Variants in IMMP2L observed in about 807,000 individuals in gnomAD.
IMMP2L encodes inner mitochondrial membrane peptidase subunit 2.
IMMP2L carries 18 observed loss-of-function variants against 19.3 expected under a neutral mutation model. That is an observed-to-expected ratio of 0.93 (90% confidence interval 0.64 to 1.38). The LOEUF (loss-of-function observed/expected upper bound fraction) is 1.38, where lower values mean the gene tolerates loss of function less well. Ranked by LOEUF, IMMP2L falls within the 40% of genes most tolerant of loss-of-function variation. The pLI, the probability that IMMP2L is intolerant of heterozygous loss-of-function variation, is 0.00. For synonymous variants in IMMP2L, 76 were observed against 73.0 expected (o/e 1.04, Z -0.21); for missense variants, 233 against 218.2 (o/e 1.07, Z -0.43).
chr7:111,383,038 A>G (rs1281315850), intron 3 of IMMP2L, among the ~76,000 whole-genome samples: 2 of 152,094 alleles, frequency 1.3e-5, no homozygotes, highest in African/African-American at 2.4e-5. Context: ...TACACAAAAA[A>G]TAAACCTGTG....
intron 3 of IMMP2L, among the ~76,000 whole-genome samples, chr7:111,181,233 G>A (rs1158247572): frequency 6.6e-6 from 1 of 151,876 alleles, no homozygotes; most frequent in East Asian, 1.9e-4. Flanking sequence ...GTGGTTGGCT[G>A]GAGAATAAAT....
At chr7:111,217,061 C>A (rs1049369997) in intron 3 of IMMP2L, among the ~76,000 whole-genome samples, 1 of 151,338 alleles carries the variant, frequency 6.6e-6, no homozygotes, top group South Asian at 2.1e-4. Flanking sequence ...TTATCAAAGA[C>A]ATTCCTCATC....
At chr7:111,297,122 G>A (rs912038182) in intron 3 of IMMP2L, among the ~76,000 whole-genome samples, 2 of 152,058 alleles carry the variant, frequency 1.3e-5, no homozygotes, top group Non-Finnish European at 2.9e-5. Flanking sequence ...TAACAGGAAA[G>A]TTCTGCATCT....
intron 3 of IMMP2L, among the ~76,000 whole-genome samples, chr7:111,054,133 G>T (rs900210319): frequency 6.6e-6 from 1 of 152,096 alleles, no homozygotes; most frequent in Non-Finnish European, 1.5e-5. Context: ...ATATTTTTAA[G>T]AGTGTACTTA....
intron 3 of IMMP2L, among the ~76,000 whole-genome samples, chr7:111,014,807 C>T (rs533302301): frequency 1.1e-4 from 17 of 152,134 alleles, no homozygotes; most frequent in Non-Finnish European, 1.8e-4. Context: ...AAATGGCCAA[C>T]AAGCTTGTGA....
At chr7:110,949,157 T>A (rs1340112243) in intron 4 of IMMP2L, among the ~76,000 whole-genome samples, 1 of 152,144 alleles carries the variant, frequency 6.6e-6, no homozygotes, top group Non-Finnish European at 1.5e-5. Flanking sequence ...TCAGCCTCCA[T>A]AATCACATGA....
intron 3 of IMMP2L, among the ~76,000 whole-genome samples, chr7:111,141,403 A>G (rs1229812855): frequency 6.6e-6 from 1 of 151,696 alleles, no homozygotes; most frequent in East Asian, 1.9e-4. Context: ...AAATTATTAG[A>G]CCTGAGCCAC....
At chr7:110,853,382 G>C (rs1585035396) in intron 5 of IMMP2L, among the ~76,000 whole-genome samples, 1 of 152,004 alleles carries the variant, frequency 6.6e-6, no homozygotes, top group African/African-American at 2.4e-5. Context: ...TCTAGATTGT[G>C]TGTTCATGAG....
intron 3 of IMMP2L, among the ~76,000 whole-genome samples, chr7:111,063,245 C>T (rs1245567829): frequency 2.6e-5 from 4 of 152,342 alleles, no homozygotes; most frequent in African/African-American, 9.6e-5. Context: ...AGGTTTGGTG[C>T]TTGTGCCCTC....
chr7:111,562,475 C>G lies in IMMP2L; in HGVS notation c.-627G>C, dbSNP rs1792212891. The G allele has an allele frequency of 6.6e-6, 1 of 151,638 alleles. No homozygotes were observed. Among genetic ancestry groups the G allele is most frequent in the Non-Finnish European group, 1.5e-5 (1 of 67,926 alleles). 9.4% of individuals were successfully genotyped at this position (151,638 alleles called of 1,614,324 possible). On this transcript the variant is annotated 5_prime_UTR_variant, in exon 1 of 6. Coordinates refer to ENST00000405709, the MANE Select transcript of IMMP2L (RefSeq NM_032549.4). ...CCCGCCCTCCGCACCCGCTGCGCAG[C>G]TCAGCCCGGGGGAAGTCCCCGCGCA...
chr7:111,290,579 G>C (rs1820979039), intron 3 of IMMP2L, among the ~76,000 whole-genome samples: 1 of 151,908 alleles, frequency 6.6e-6, no homozygotes, highest in Non-Finnish European at 1.5e-5. Context: ...TGTAGAAGTA[G>C]TGTGTGCCAA....
intron 2 of IMMP2L, among the ~76,000 whole-genome samples, chr7:111,498,959 GA>G (rs911893821): frequency 2.6e-5 from 4 of 151,396 alleles, no homozygotes; most frequent in Non-Finnish European, 5.9e-5. Flanking sequence ...TAAAAAGGGG[GA>G]AAAAAGGATA....
chr7:111,038,381 C>T (rs1791558398), intron 3 of IMMP2L, among the ~76,000 whole-genome samples: 1 of 152,076 alleles, frequency 6.6e-6, no homozygotes, highest in Non-Finnish European at 1.5e-5. Flanking sequence ...AGGATCCTGT[C>T]CTCATCAATG....
intron 3 of IMMP2L, among the ~76,000 whole-genome samples, chr7:111,102,496 T>C (rs368812109): frequency 2.8e-4 from 42 of 151,700 alleles, no homozygotes; most frequent in Admixed American, 7.3e-4. Context: ...TGCTGCTGCT[T>C]TACATCAAAC....
intron 3 of IMMP2L, among the ~76,000 whole-genome samples, chr7:110,998,285 C>T (rs754239219): frequency 1.3e-5 from 2 of 152,140 alleles, no homozygotes; most frequent in South Asian, 4.1e-4. Flanking sequence ...AATCCAATGG[C>T]CTTTCAATTC....
chr7:111,090,296 T>C (rs575173709), intron 3 of IMMP2L, among the ~76,000 whole-genome samples: 1 of 152,144 alleles, frequency 6.6e-6, no homozygotes, highest in East Asian at 1.9e-4. Context: ...CCTTTCAGAG[T>C]TAATAGGCCT....
intron 3 of IMMP2L, among the ~76,000 whole-genome samples, chr7:110,998,733 T>C (rs1370086788): frequency 2.0e-5 from 3 of 152,128 alleles, no homozygotes; most frequent in Non-Finnish European, 4.4e-5. Flanking sequence ...TTCCAAGTGA[T>C]AGGAAATAAA....
chr7:110,828,600 T>A (rs1158678640), intron 5 of IMMP2L, among the ~76,000 whole-genome samples: 8 of 152,040 alleles, frequency 5.3e-5, no homozygotes, highest in Non-Finnish European at 7.4e-5. Flanking sequence ...TGGCAAAAAA[T>A]AAATGTGACC....
chr7:110,934,267 T>C (rs1253153063), intron 4 of IMMP2L, among the ~76,000 whole-genome samples: 1 of 152,176 alleles, frequency 6.6e-6, no homozygotes, highest in Non-Finnish European at 1.5e-5. Context: ...AATCATGTTG[T>C]CAATTTTAGA....
Sources: gnomAD v4.1 joint callset for allele counts (sites outside exome capture counted in the v4.1 genomes callset) on GRCh38, gnomAD v4.1.1 for gene constraint, MANE v1.5 for transcripts, NCBI Gene and HGNC (gene_info 2026-07-23, HGNC 2026-07-21) for gene names.